The following DSG2 variants were observed in gnomAD, a reference collection of about 807,000 sequenced individuals.
The protein encoded by DSG2 is desmoglein-2.
A neutral mutation model predicts 75.6 loss-of-function variants in DSG2; 45 were observed. The observed-to-expected ratio is 0.60, with a 90% CI of 0.47 to 0.76. The LOEUF is 0.76. Ranked by LOEUF, DSG2 falls within the 30% of genes least tolerant of loss-of-function variation. The pLI, the probability that DSG2 is intolerant of heterozygous loss-of-function variation, is 0.00. For synonymous variants in DSG2, 429 were observed against 483.9 expected, an observed-to-expected ratio of 0.89 and a Z score of 1.49; for missense variants, 1,267 against 1,357.4, an observed-to-expected ratio of 0.93 and a Z score of 1.05.
intron 8 of DSG2, among the ~76,000 whole-genome samples, chr18:31,525,676 G>A (rs543702177): frequency 2.0e-5 from 3 of 152,166 alleles, no homozygotes; most frequent in African/African-American, 4.8e-5. Flanking sequence ...TCAACAAAAA[G>A]TTTCATTGGG....
chr18:31,515,441 G>A (rs2073089441), intron 1 of DSG2, among the ~76,000 whole-genome samples: 1 of 152,126 alleles, frequency 6.6e-6, no homozygotes, highest in South Asian at 2.1e-4. Flanking sequence ...CCCTGATGAT[G>A]TGGACACTGG....
intron 9 of DSG2, among the ~76,000 whole-genome samples, chr18:31,534,528 T>TTTTTG (rs397946605): frequency 1.4e-5 from 2 of 146,324 alleles, no homozygotes; most frequent in Admixed American, 1.4e-4. Flanking sequence ...TTTTTTTTTT[T>TTTTTG]GAGATGGAGT....
At chr18:31,514,331 G>T (rs1449560879) in intron 1 of DSG2, among the ~76,000 whole-genome samples, 1 of 152,132 alleles carries the variant, frequency 6.6e-6, no homozygotes, top group African/African-American at 2.4e-5. Flanking sequence ...TGTGTGCTAG[G>T]TAATTGTTGA....
rs377079138 is a variant in DSG2 at position 31,528,418 on chromosome 18, C to T, written c.1015-2569C>T. On this transcript the variant is annotated intron_variant, in intron 8 of 14. Transcript: ENST00000261590. The stretch of plus-strand genomic sequence containing the variant: ...CTACAACACGGATGAACCTCAAAAA[C>T]ATTATGCTATGGGCTGGGCACGGTG... 2.0e-3 allele frequency among the ~76,000 whole-genome samples: 300 copies of T among 152,164 alleles called. 13 individuals carry two copies. The South Asian group carries it at 0.06, about 30-fold the overall frequency.
chr18:31,521,825 T>C (rs773229276), intron 5 of DSG2, among the ~76,000 whole-genome samples: 14 of 152,188 alleles, frequency 9.2e-5, no homozygotes, highest in Non-Finnish European at 1.9e-4. Context: ...CTAATACTAT[T>C]ATAAACAAAT....
intron 1 of DSG2, among the ~76,000 whole-genome samples, chr18:31,503,862 T>G (rs540109624): frequency 1.3e-5 from 2 of 152,132 alleles, no homozygotes; most frequent in Non-Finnish European, 2.9e-5. Flanking sequence ...CCCTGGTATT[T>G]AGTTCCCAAG....
At chr18:31,535,994 C>T (rs576800979) in intron 10 of DSG2, among the ~76,000 whole-genome samples, 1 of 152,056 alleles carries the variant, frequency 6.6e-6, no homozygotes, top group Non-Finnish European at 1.5e-5. Context: ...AAATAAGCAC[C>T]TAATTTCTCC....
At chr18:31,536,077 C>G in intron 10 of DSG2, 125 bp from the exon 11 acceptor site, 1 of 851,938 alleles carries the variant, frequency 1.2e-6, no homozygotes, top group East Asian at 2.6e-5. Flanking sequence ...TGAAACATAT[C>G]TAGGATAGAA....
chr18:31,525,917 C>T (rs983984587), intron 8 of DSG2, among the ~76,000 whole-genome samples: 3 of 151,860 alleles, frequency 2.0e-5, no homozygotes, highest in East Asian at 3.9e-4. Context: ...CCGAGGAGGG[C>T]GGATCACGAG....
rs755732646 is a variant in DSG2 at position 31,536,212 on chromosome 18, A to G, written c.1434A>G (p.Arg478=). Residue 478 remains arginine, a synonymous_variant, in exon 11 of 15, where the codon AGA becomes AGG. Coordinates refer to ENST00000261590, the MANE Select transcript of DSG2 (RefSeq NM_001943.5). ...KIVAISEDYP[R]KTITGTVLIN... ...TCTCTTATTTTTAAGATTATCCTAG[A>G]AAAACCATCACTGGCACAGTCCTTA... 4 of 1,614,060 alleles carry G rather than the reference A, an allele frequency of 2.5e-6. No homozygotes were observed. The African/African-American group carries it at 4.0e-5, about 16-fold the overall frequency.
intron 12 of DSG2, among the ~76,000 whole-genome samples, chr18:31,539,734 C>G (rs976563102): frequency 7.9e-5 from 12 of 152,200 alleles, no homozygotes; most frequent in African/African-American, 2.9e-4. Context: ...GGGTCCCCAA[C>G]CCCCAGGCTA....
At chr18:31,537,081 C>A (rs2073235514) in intron 11 of DSG2, among the ~76,000 whole-genome samples, 1 of 152,006 alleles carries the variant, frequency 6.6e-6, no homozygotes, top group South Asian at 2.1e-4. Context: ...GCAGAAAAGT[C>A]TATCCAGAAA....
chr18:31,546,317 G>C lies in DSG2; in HGVS notation c.2931G>C (p.Gln977His). 2 of 1,607,750 alleles carry C rather than the reference G, an allele frequency of 1.2e-6. No homozygotes were observed. Among genetic ancestry groups the C allele is most frequent in the Non-Finnish European group, 1.7e-6 (2 of 1,175,978 alleles). Residue 977 changes from glutamine to histidine, a missense_variant, in exon 15 of 15, where the codon CAG becomes CAC. Coordinates refer to ENST00000261590, the MANE Select transcript of DSG2 (RefSeq NM_001943.5). Reference sequence around the variant, plus strand: ...CTCCAGCTTCTACCTTGGTAGATCAGCCTTATGCTAATGAAGGTACAGTTG... The same window carrying C: ...CTCCAGCTTCTACCTTGGTAGATCACCCTTATGCTAATGAAGGTACAGTTG... ...VYAPASTLVD[Q>H]PYANEGTVVV...
At position 31,541,216 on chromosome 18, in the gene DSG2, T is replaced by G; in HGVS notation, c.1903T>G (p.Cys635Gly). 6.2e-7 allele frequency: 1 copy of G among 1,614,184 alleles called. No individual in the cohort carries two copies. Among genetic ancestry groups the G allele is most frequent in the African/African-American group, 1.3e-5 (1 of 75,074 alleles). Residue 635 changes from cysteine (C) to glycine (G), a missense_variant, in exon 13 of 15, where the codon TGC (cysteine) becomes GGC (glycine). Cys to Gly is a radical substitution (Grantham distance 159, BLOSUM62 -3). Coordinates refer to ENST00000261590, the MANE Select transcript of DSG2 (RefSeq NM_001943.5). ...LLLVPLLLLM[C>G]HCGKGAKGFT... ...AGTGGTACCACTTTTACTGCTGATG[T>G]GCCATTGCGGAAAGGGCGCCAAAGG...
In DSG2 at chr18:31,546,079, A is replaced by G. The variant is rs757212229; in HGVS notation, c.2693A>G (p.Asn898Ser). ...GTTCCAAAATCTTTGCAAGAAGCCA[A>G]TGCAGAGAAAGTAACTCAGGAAATA... ...FPVPKSLQEA[N>S]AEKVTQEIVT... Residue 898 changes from asparagine to serine, a missense_variant, in exon 15 of 15, where the codon AAT becomes AGT. Asn to Ser is a conservative substitution (Grantham distance 46, BLOSUM62 1). Transcript: ENST00000261590. 7 of 1,614,096 alleles carry G rather than the reference A, an allele frequency of 4.3e-6. No homozygotes were observed. The Admixed American group carries it at 5.0e-5, about 12-fold the overall frequency.
chr18:31,531,109 G>A lies in DSG2; in HGVS notation c.1137G>A (p.Val379=), dbSNP rs2073195410. 5 of 1,614,072 alleles carry A rather than the reference G, an allele frequency of 3.1e-6. No individual in the cohort carries two copies. The highest frequency in any genetic ancestry group is 4.2e-6 in the Non-Finnish European group (5 of 1,180,008). Residue 379 remains valine (V), a synonymous_variant, in exon 9 of 15, where the codon GTG becomes GTA. Transcript: ENST00000261590. ...CACCCATTCCCATCAAGGTCAAAGT[G>A]AAAAATGTGAAAGAAGGCATTCATT... ...KPTPIPIKVK[V]KNVKEGIHFK...
At chr18:31,506,951 A>C (rs551780084) in intron 1 of DSG2, among the ~76,000 whole-genome samples, 2 of 152,134 alleles carry the variant, frequency 1.3e-5, no homozygotes, top group African/African-American at 4.8e-5. Flanking sequence ...ATTATACTTT[A>C]AGTTCTGGGG....
rs191143292 is a variant in DSG2 at position 31,521,193 on chromosome 18, T to G, written c.473T>G (p.Val158Gly). 7.1e-3 allele frequency: 11,483 copies of G among 1,613,620 alleles called. 51 individuals carry two copies. The highest frequency in any genetic ancestry group is 8.5e-3 in the Non-Finnish European group (10,055 of 1,179,882). ...KVLDINDNEP[V>G]FTQDVFVGSV... ...CTTGATATCAATGACAACGAACCAG[T>G]GTTCACACAGGATGTCTTTGTTGGG... Residue 158 changes from valine (V) to glycine (G), a missense_variant, in exon 5 of 15, where the codon GTG becomes GGG. Transcript: ENST00000261590.
Position 31,519,957 on chromosome 18 carries a change from A to T in DSG2, c.216+20A>T. The T allele has an allele frequency of 6.2e-7, 1 of 1,614,194 alleles. No homozygotes were observed. Among genetic ancestry groups the T allele is most frequent in the Non-Finnish European group, 8.5e-7 (1 of 1,180,000 alleles). On this transcript the variant is annotated intron_variant, in intron 3 of 14. Coordinates refer to ENST00000261590, the MANE Select transcript of DSG2 (RefSeq NM_001943.5). ...GCCAAGGTACCTCCTAAAGAGGAACATGAAATACATGCATATGACTAAAAT... is the reference window on the plus strand; with the variant it reads ...GCCAAGGTACCTCCTAAAGAGGAACTTGAAATACATGCATATGACTAAAAT...
Sources: gnomAD v4.1 joint callset for allele counts (sites outside exome capture counted in the v4.1 genomes callset) on GRCh38, gnomAD v4.1.1 for gene constraint, MANE v1.5 for transcripts, NCBI Gene and HGNC (gene_info 2026-07-23, HGNC 2026-07-21) for gene names.